The following DCLK1 variants were observed in gnomAD, a reference collection of about 807,000 sequenced individuals.
DCLK1 encodes serine/threonine-protein kinase DCLK1.
A neutral mutation model predicts 86.2 loss-of-function variants in DCLK1; 16 were observed. The ratio of observed to expected loss-of-function variants is 0.19; its 90% CI spans 0.13 to 0.28. The LOEUF (loss-of-function observed/expected upper bound fraction) is 0.28. DCLK1 is among the 10% of genes least tolerant of loss of function. The pLI is 1.00. For missense variants in DCLK1, 590 were observed against 940.2 expected, an observed-to-expected ratio of 0.63 and a Z score of 4.87; for synonymous variants, 369 against 370.5, an observed-to-expected ratio of 1.00 and a Z score of 0.05.
At chr13:36,030,909 T>C (rs2153153146) in intron 3 of DCLK1, among the ~76,000 whole-genome samples, 1 of 152,240 alleles carries the variant, frequency 6.6e-6, no homozygotes, top group Non-Finnish European at 1.5e-5. Context: ...CCCAGCACCT[T>C]GTTATTTCAG....
intron 11 of DCLK1, among the ~76,000 whole-genome samples, chr13:35,822,096 C>T (rs182975674): frequency 3.3e-5 from 5 of 151,916 alleles, no homozygotes; most frequent in Admixed American, 2.6e-4. Context: ...TCTAAAAGGG[C>T]TTCCTTTTTT....
At chr13:36,104,175 C>A (rs557232320) in intron 3 of DCLK1, among the ~76,000 whole-genome samples, 76 of 152,296 alleles carry the variant, frequency 5.0e-4, no homozygotes, top group African/African-American at 1.8e-3. Context: ...ATGACCACAG[C>A]CCAGGGTGAC....
intron 3 of DCLK1, among the ~76,000 whole-genome samples, chr13:35,969,802 G>A (rs566159968): frequency 9.2e-5 from 14 of 152,218 alleles, no homozygotes; most frequent in African/African-American, 3.1e-4. Context: ...CCTAACCCCC[G>A]ATGTAATAGT....
At chr13:36,112,237 T>TTATATATTAGTA in intron 2 of DCLK1, 22 bp from the exon 3 acceptor site, 2 of 1,490,566 alleles carry the variant, frequency 1.3e-6, no homozygotes, top group Non-Finnish European at 1.8e-6. Context: ...AGAAATATAT[T>TTATATATTAGTA]TAAATTTATA....
At chr13:36,036,940 T>C (rs1440697439) in intron 3 of DCLK1, among the ~76,000 whole-genome samples, 1 of 152,158 alleles carries the variant, frequency 6.6e-6, no homozygotes, top group African/African-American at 2.4e-5. Context: ...CCCATGTCTA[T>C]TGCAGCGCTA....
intron 3 of DCLK1, among the ~76,000 whole-genome samples, chr13:35,951,901 T>G (rs149859008): frequency 3.9e-4 from 60 of 152,270 alleles, no homozygotes; most frequent in African/African-American, 1.4e-3. Context: ...AAAGGCAGTG[T>G]CTCGCGTTAG....
rs978457984 is a variant in DCLK1 at position 35,794,395 on chromosome 13, T to C, written c.1945-916A>G. ...AAGAAACTCCTGGCAATCACTTCGATGCCATTCATTATTTTTCTTTTCTTC... is the reference window on the plus strand; with the variant it reads ...AAGAAACTCCTGGCAATCACTTCGACGCCATTCATTATTTTTCTTTTCTTC... On this transcript the variant is annotated intron_variant, in intron 15 of 16. Coordinates refer to ENST00000360631, the MANE Select transcript of DCLK1 (RefSeq NM_001330071.2). 2.0e-5 allele frequency among the ~76,000 whole-genome samples: 3 copies of C among 152,280 alleles called. No individual in the cohort carries two copies. The South Asian group carries it at 6.2e-4, about 32-fold the overall frequency.
chr13:35,869,204 G>T, intron 5 of DCLK1: 2 of 460,140 alleles, frequency 4.3e-6, no homozygotes, highest in Non-Finnish European at 8.8e-6. Context: ...TCTTCCAGGG[G>T]AGTTTTCCAT....
At chr13:35,815,765 T>A (rs889215281) in intron 11 of DCLK1, among the ~76,000 whole-genome samples, 2 of 152,116 alleles carry the variant, frequency 1.3e-5, no homozygotes. Context: ...TTTTATAGAA[T>A]GCATTTTATG....
chr13:35,861,043 C>G (rs916216463), intron 5 of DCLK1, among the ~76,000 whole-genome samples: 1 of 152,184 alleles, frequency 6.6e-6, no homozygotes, highest in Admixed American at 6.5e-5. Context: ...GGAAGATGTC[C>G]TTCACTTGAG....
rs927076571 is a variant in DCLK1, at chr13:35,906,798, A to G, written c.824-35458T>C. Among the ~76,000 whole-genome samples the G allele has an allele frequency of 3.9e-5, 6 of 152,214 alleles. No homozygotes were observed. The East Asian group carries it at 9.6e-4, about 24-fold the overall frequency. ...CCTTGGTTTGGCAGTGGCCTGAAGC[A>G]TGGTCCAGAAGTCACAGAGACCTAA... On this transcript the variant is annotated intron_variant, in intron 4 of 16. Transcript: ENST00000360631.
At chr13:36,021,282 T>G (rs1175907823) in intron 3 of DCLK1, among the ~76,000 whole-genome samples, 3 of 151,036 alleles carry the variant, frequency 2.0e-5, no homozygotes, top group African/African-American at 7.3e-5. Flanking sequence ...AGGTTTAAAA[T>G]TATGTACTAG....
chr13:36,106,873 G>A (rs1224984097), intron 3 of DCLK1, among the ~76,000 whole-genome samples: 1 of 152,058 alleles, frequency 6.6e-6, no homozygotes, highest in Non-Finnish European at 1.5e-5. Flanking sequence ...GTAAGAGGAA[G>A]ACATATCTTA....
intron 15 of DCLK1, among the ~76,000 whole-genome samples, chr13:35,803,698 T>A (rs764338176): frequency 3.9e-5 from 6 of 152,198 alleles, no homozygotes; most frequent in Non-Finnish European, 8.8e-5. Context: ...TGCCTTGACC[T>A]CAAGCTTTTG....
chr13:35,780,212 C>T (rs548798725), intron 16 of DCLK1, among the ~76,000 whole-genome samples: 28 of 152,230 alleles, frequency 1.8e-4, no homozygotes, highest in Admixed American at 9.2e-4. Context: ...CTCTTCAGAA[C>T]GCCTATTTTT....
chr13:36,034,230 A>G (rs1020252236), intron 3 of DCLK1, among the ~76,000 whole-genome samples: 1 of 152,190 alleles, frequency 6.6e-6, no homozygotes, highest in Admixed American at 6.5e-5. Flanking sequence ...TAAAAAGAAA[A>G]CCGGAATTAA....
In DCLK1 at chr13:35,769,508, G is replaced by C. The variant is rs918812253; in HGVS notation, c.*5027C>G. 6.6e-6 allele frequency: 1 copy of C among 152,008 alleles called. No homozygotes were observed. Among genetic ancestry groups the C allele is most frequent in the Admixed American group, 6.6e-5 (1 of 15,248 alleles). 9.4% of individuals were successfully genotyped at this position (152,008 alleles called of 1,614,324 possible). On this transcript the variant is annotated 3_prime_UTR_variant, in exon 17 of 17. Coordinates refer to ENST00000360631, the MANE Select transcript of DCLK1 (RefSeq NM_001330071.2). ...AGGATATGACTATAACCTTGGACCA[G>C]TTTCAATTTCTTTTTATTTTTTCTG...
intron 3 of DCLK1, among the ~76,000 whole-genome samples, chr13:36,077,684 G>C (rs1884260455): frequency 1.3e-5 from 2 of 152,174 alleles, no homozygotes; most frequent in Non-Finnish European, 2.9e-5. Context: ...TTGGGGGAAT[G>C]CAGTAAGACC....
chr13:35,788,192 T>C, intron 16 of DCLK1: 1 of 1,612,914 alleles, frequency 6.2e-7, no homozygotes, highest in Non-Finnish European at 8.5e-7. Context: ...CACTGACTGT[T>C]GAGCTGCACC....
Sources: allele counts gnomAD v4.1 joint callset (sites outside exome capture counted in the v4.1 genomes callset), GRCh38; gene constraint gnomAD v4.1.1; transcripts MANE v1.5; gene names NCBI Gene and HGNC (gene_info 2026-07-23, HGNC 2026-07-21).